Variants in EHBP1 observed in about 807,000 individuals in gnomAD.
The protein encoded by EHBP1 is EH domain-binding protein 1.
In EHBP1, 55 loss-of-function variants were observed where a neutral mutation model predicts 144.0. The observed-to-expected ratio is 0.38, with a 90% CI of 0.31 to 0.48. The LOEUF is 0.48. EHBP1 is among the 20% of genes least tolerant of loss of function. The pLI is 0.98. For missense variants in EHBP1, 1,200 were observed against 1,364.2 expected (o/e 0.88, Z 1.90); for synonymous variants, 469 against 472.7 (o/e 0.99, Z 0.10).
At position 63,036,095 on chromosome 2, in the gene EHBP1, A is replaced by T. The variant is rs550023878; in HGVS notation, c.3104-1440A>T. ...CTATCTATTTTATAGGGATGCTCTG[A>T]AATACATGTTTAATCCCTTACACAC... On this transcript the variant is annotated intron_variant, in intron 19 of 22. Transcript: ENST00000431489. Among the ~76,000 whole-genome samples, 9 of 152,168 alleles carry T rather than the reference A, an allele frequency of 5.9e-5. No individual in the cohort carries two copies. In the South Asian group the frequency reaches 1.9e-3, roughly 32 times the overall value.
intron 15 of EHBP1, chr2:62,987,839 T>A: frequency 1.5e-6 from 1 of 669,516 alleles, no homozygotes; most frequent in Non-Finnish European, 2.4e-6. Flanking sequence ...TGAATAACTA[T>A]ACTAAAATAC....
chr2:62,841,281 A>G (rs997652732), intron 7 of EHBP1, among the ~76,000 whole-genome samples: 1 of 145,654 alleles, frequency 6.9e-6, no homozygotes, highest in African/African-American at 2.5e-5. Flanking sequence ...ATAGGTGGGA[A>G]CTGAACAATG....
intron 2 of EHBP1, among the ~76,000 whole-genome samples, chr2:62,725,618 G>A (rs1304111153): frequency 6.6e-6 from 1 of 152,200 alleles, no homozygotes; most frequent in African/African-American, 2.4e-5. Context: ...GTGCTGGTGG[G>A]GGTGGAGTTG....
At chr2:62,689,010 C>G in intron 1 of EHBP1, among the ~76,000 whole-genome samples, 1 of 152,266 alleles carries the variant, frequency 6.6e-6, no homozygotes, top group Non-Finnish European at 1.5e-5. Flanking sequence ...GTGTGCATCC[C>G]ATTACTCAGG....
chr2:63,045,180 A>G lies in EHBP1; in HGVS notation c.3392A>G (p.Gln1131Arg). The G allele has an allele frequency of 6.3e-7, 1 of 1,581,382 alleles. No individual in the cohort carries two copies. The change falls in exon 22 of 23, where the codon CAG (glutamine) becomes CGG (arginine). Residue 1131 changes from glutamine (Q) to arginine (R), a missense_variant and splice_region_variant. This residue lies in a region of EHBP1 where 149 missense variants were observed against 217.0 expected (regional missense o/e 0.69). Coordinates refer to ENST00000431489, the MANE Select transcript of EHBP1 (RefSeq NM_001142616.3). This position sits in a 1 kb window ranked among gnomAD's most constrained non-coding sequence, Gnocchi z 5.7. ...LVRDLDAQEK[Q>R]AEEEDEHLER... The stretch of plus-strand genomic sequence containing the variant: ...AGGGACCTGGACGCGCAGGAGAAGC[A>G]GTGAGTGGGCAGTGGGGTCGGGTCG...
intron 7 of EHBP1, among the ~76,000 whole-genome samples, chr2:62,845,768 T>A (rs1462542943): frequency 6.6e-6 from 1 of 150,838 alleles, no homozygotes; most frequent in African/African-American, 2.4e-5. Context: ...GAGGTTGACA[T>A]GAGAGGATCG....
intron 1 of EHBP1, among the ~76,000 whole-genome samples, chr2:62,697,264 A>G (rs2151755857): frequency 6.6e-6 from 1 of 152,384 alleles, no homozygotes; most frequent in South Asian, 2.1e-4. Flanking sequence ...AAAAATAATA[A>G]TGTAAATACT....
chr2:62,918,193 G>A (rs568853149), intron 10 of EHBP1, among the ~76,000 whole-genome samples: 83 of 152,066 alleles, frequency 5.5e-4, no homozygotes, highest in Non-Finnish European at 1.0e-3. Context: ...CACCACTCCC[G>A]GCCTATTGTG....
At chr2:62,947,064 C>T (rs2057113082) in intron 12 of EHBP1, among the ~76,000 whole-genome samples, 1 of 152,050 alleles carries the variant, frequency 6.6e-6, no homozygotes, top group Non-Finnish European at 1.5e-5. Context: ...GTCAAGTTGT[C>T]AAGACACATG....
chr2:62,802,151 C>T (rs1479349791), intron 5 of EHBP1, among the ~76,000 whole-genome samples: 1 of 152,238 alleles, frequency 6.6e-6, no homozygotes, highest in Non-Finnish European at 1.5e-5. Flanking sequence ...AATTCTAACT[C>T]TGGCTGAGGA....
intron 10 of EHBP1, among the ~76,000 whole-genome samples, chr2:62,877,239 A>G (rs2050963180): frequency 6.6e-6 from 1 of 152,214 alleles, no homozygotes; most frequent in Non-Finnish European, 1.5e-5. Flanking sequence ...TTAAGCCAAC[A>G]AAGATCAGAA....
rs1176642574 is a variant in EHBP1, at chr2:62,979,185, T to C, written c.2461-3T>C. ...GAGTTGGCAACTGTTCAATATATCT[T>C]AGCAGCAAGATGAAGAGCGACGTCG... is the stretch of plus-strand genomic sequence containing the variant. On this transcript the variant is annotated splice_region_variant and splice_polypyrimidine_tract_variant and intron_variant, in intron 14 of 22. Transcript: ENST00000431489. The C allele has an allele frequency of 1.2e-6, 2 of 1,611,816 alleles. No homozygotes were observed. The highest frequency in any genetic ancestry group is 1.7e-6 in the Non-Finnish European group (2 of 1,178,906).
intron 5 of EHBP1, among the ~76,000 whole-genome samples, chr2:62,792,879 A>G (rs2043257708): frequency 6.6e-6 from 1 of 152,016 alleles, no homozygotes; most frequent in South Asian, 2.1e-4. Flanking sequence ...GATGTCAGGA[A>G]TAGTATGCAA....
At chr2:62,778,621 G>A (rs1037458917) in intron 5 of EHBP1, among the ~76,000 whole-genome samples, 1 of 151,396 alleles carries the variant, frequency 6.6e-6, no homozygotes, top group African/African-American at 2.4e-5. Flanking sequence ...ATGTTGAACA[G>A]GATTACTTGC....
In EHBP1 at chr2:62,779,518, A is replaced by C. The variant is rs545211383; in HGVS notation, c.312+8126A>C. Among the ~76,000 whole-genome samples, 11 of 152,298 alleles carry C rather than the reference A, an allele frequency of 7.2e-5. No individual in the cohort carries two copies. The East Asian group carries it at 2.1e-3, about 29-fold the overall frequency. Reference sequence around the variant, plus strand: ...CAAGAAAATTCATGTGCTTATGGCTACTTGCTCAGAGAGTATTGTTCTACA... The same window carrying C: ...CAAGAAAATTCATGTGCTTATGGCTCCTTGCTCAGAGAGTATTGTTCTACA... On this transcript the variant is annotated intron_variant, in intron 5 of 22. Coordinates refer to ENST00000431489, the MANE Select transcript of EHBP1 (RefSeq NM_001142616.3).
rs768323831 is a variant in EHBP1, at chr2:62,681,340, GTATATA to G, written c.-296+7272_-296+7277del. Among the ~76,000 whole-genome samples, 39 of 58,554 alleles carry G rather than the reference GTATATA, an allele frequency of 6.7e-4. 2 individuals carry two copies. The highest frequency in any genetic ancestry group is 8.8e-3 in the Middle Eastern group (1 of 114). 38.4% of individuals were successfully genotyped at this position (58,554 alleles called of 152,430 possible). Reference sequence around the variant, plus strand: ...TATATATTTGTATGTATGTGTGTGTGTATATATATATATATATATAATGTGTATATA... The same window carrying G: ...TATATATTTGTATGTATGTGTGTGTGTATATATATATATAATGTGTATATA... On this transcript the variant is annotated intron_variant, in intron 1 of 22. Transcript: ENST00000405015.
intron 6 of EHBP1, among the ~76,000 whole-genome samples, chr2:62,830,153 GACACACACACACACACACACACAC>G (rs368948717): frequency 7.6e-6 from 1 of 132,136 alleles, no homozygotes; most frequent in Non-Finnish European, 1.6e-5. Flanking sequence ...TATATATATA[GACACACACACACACACACACACAC>G]ACACACACAC....
intron 3 of EHBP1, among the ~76,000 whole-genome samples, chr2:62,748,432 T>G (rs769190888): frequency 2.0e-5 from 3 of 152,090 alleles, no homozygotes; most frequent in Non-Finnish European, 4.4e-5. Flanking sequence ...GGCAGGAGGA[T>G]CGCTTGAGGC....
intron 10 of EHBP1, among the ~76,000 whole-genome samples, chr2:62,881,492 A>AAGG (rs988485898): frequency 6.6e-6 from 1 of 151,830 alleles, no homozygotes; most frequent in African/African-American, 2.4e-5. Flanking sequence ...GGGAAGGAAA[A>AAGG]AGGAAGGAAA....
Sources: gnomAD v4.1 joint callset for allele counts (sites outside exome capture counted in the v4.1 genomes callset) on GRCh38, gnomAD v4.1.1 for gene constraint, gnomAD v4.1.1 regional missense constraint, Gnocchi (gnomAD v3.1) non-coding constraint, MANE v1.5 for transcripts, NCBI Gene and HGNC (gene_info 2026-07-23, HGNC 2026-07-21) for gene names.